Variants in MYZAP observed in about 807,000 individuals in gnomAD.
The protein encoded by MYZAP is myocardial zonula adherens protein.
MYZAP carries 66 observed loss-of-function variants against 69.4 expected under a neutral mutation model. The ratio of observed to expected loss-of-function variants is 0.95; its 90% CI spans 0.78 to 1.17. MYZAP has a LOEUF of 1.17. MYZAP is among the 50% of genes most tolerant of loss of function. MYZAP has a pLI of 0.00. For missense variants in MYZAP, 611 were observed against 556.2 expected (o/e 1.10, Z -0.99); for synonymous variants, 256 against 205.9 (o/e 1.24, Z -2.09).
intron 10 of MYZAP, among the ~76,000 whole-genome samples, chr15:57,643,535 G>T (rs1300574300): frequency 6.6e-6 from 1 of 152,140 alleles, no homozygotes; most frequent in Non-Finnish European, 1.5e-5. Flanking sequence ...GACTTCTTCA[G>T]TCCACAGAGT....
intron 10 of MYZAP, among the ~76,000 whole-genome samples, chr15:57,660,069 G>T (rs1276579703): frequency 6.6e-6 from 1 of 152,078 alleles, no homozygotes; most frequent in Non-Finnish European, 1.5e-5. Flanking sequence ...TTTTTGGAAG[G>T]TTACACAGAC....
chr15:57,612,492 T>G (rs2035170284), intron 2 of MYZAP, among the ~76,000 whole-genome samples: 1 of 152,222 alleles, frequency 6.6e-6, no homozygotes, highest in Admixed American at 6.5e-5. Context: ...TCCATCTTTC[T>G]TTTTCCCTTC....
At chr15:57,682,784 C>A (rs2039509137) in intron 12 of MYZAP, among the ~76,000 whole-genome samples, 1 of 152,200 alleles carries the variant, frequency 6.6e-6, no homozygotes, top group Non-Finnish European at 1.5e-5. Flanking sequence ...TCCACATCCA[C>A]AAACTGTGTG....
intron 2 of MYZAP, among the ~76,000 whole-genome samples, chr15:57,614,366 G>C (rs2140367523): frequency 6.6e-6 from 1 of 152,358 alleles, no homozygotes; most frequent in East Asian, 1.9e-4. Context: ...CCCCACACAA[G>C]GATACTGACA....
chr15:57,616,859 G>GCAAGAAT (rs1354607706), intron 2 of MYZAP, among the ~76,000 whole-genome samples: 1 of 72,888 alleles, frequency 1.4e-5, no homozygotes, highest in Admixed American at 1.9e-4. Context: ...TGAATACATG[G>GCAAGAAT]CAAGAATCTC....
Position 57,648,055 on chromosome 15 carries a change from G to A in MYZAP, c.1119+8510G>A, listed in dbSNP as rs1414234028. On this transcript the variant is annotated intron_variant, in intron 10 of 12. Transcript: ENST00000267853. ...TGCTACTCAAAAGTTTGAGGCAGGA[G>A]TGATTTATTGTGAATGACAATGTTA... 5.1e-6 allele frequency: 5 copies of A among 984,114 alleles called. No homozygotes were observed. The East Asian group carries it at 3.4e-4, about 67-fold the overall frequency. 61.0% of individuals were successfully genotyped at this position (984,114 alleles called of 1,614,324 possible).
At chr15:57,621,793 T>A in intron 4 of MYZAP, 93 bp downstream of exon 4, 1 of 1,073,442 alleles carries the variant, frequency 9.3e-7, no homozygotes, top group Non-Finnish European at 1.3e-6. Flanking sequence ...TTAGAGTATC[T>A]AGTGTTCTTT....
intron 2 of MYZAP, among the ~76,000 whole-genome samples, chr15:57,608,431 C>T (rs1567203049): frequency 6.6e-6 from 1 of 152,166 alleles, no homozygotes; most frequent in African/African-American, 2.4e-5. Context: ...AGAGTCAGCA[C>T]CTTCTTATGG....
chr15:57,661,307 C>A, intron 10 of MYZAP, 143 bp from the exon 11 acceptor site: 1 of 677,166 alleles, frequency 1.5e-6, no homozygotes, highest in Non-Finnish European at 2.5e-6. Context: ...TCAATGAAAA[C>A]CATCCAGCCC....
intron 11 of MYZAP, among the ~76,000 whole-genome samples, chr15:57,673,396 T>A (rs1028860443): frequency 2.0e-5 from 3 of 151,872 alleles, no homozygotes; most frequent in African/African-American, 7.3e-5. Context: ...AGTTCAGACA[T>A]TGCTGGGGAA....
At chr15:57,646,657 C>A (rs1327298039) in intron 10 of MYZAP, 13 of 990,730 alleles carry the variant, frequency 1.3e-5, no homozygotes, top group African/African-American at 7.0e-5. Context: ...CAAGAAAGTA[C>A]AGGAGCAGCC....
At chr15:57,649,906 A>G (rs1215917710) in intron 10 of MYZAP, among the ~76,000 whole-genome samples, 1 of 152,086 alleles carries the variant, frequency 6.6e-6, no homozygotes, top group Non-Finnish European at 1.5e-5. Context: ...TCTGTTTTGC[A>G]TATATATTTT....
intron 2 of MYZAP, among the ~76,000 whole-genome samples, chr15:57,617,099 A>T (rs547862900): frequency 6.6e-6 from 1 of 152,046 alleles, no homozygotes; most frequent in South Asian, 2.1e-4. Context: ...AGCCTGCAGT[A>T]TGGGGAGGTG....
At chr15:57,647,360 C>T in intron 10 of MYZAP, 1 of 985,432 alleles carries the variant, frequency 1.0e-6, no homozygotes, top group Non-Finnish European at 1.2e-6. Context: ...ATTTGAGAAT[C>T]TCATCTGGAT....
chr15:57,595,876 A>G (rs1216065432), intron 1 of MYZAP, among the ~76,000 whole-genome samples: 1 of 152,136 alleles, frequency 6.6e-6, no homozygotes, highest in Non-Finnish European at 1.5e-5. Flanking sequence ...TGGGCCTGCT[A>G]GTCATTGTTC....
At chr15:57,646,066 A>G in intron 10 of MYZAP, 1 of 969,056 alleles carries the variant, frequency 1.0e-6, no homozygotes, top group Non-Finnish European at 1.4e-6. Flanking sequence ...TAATTAGCCA[A>G]ATGGGGGTAG....
Position 57,591,972 on chromosome 15 carries a change from C to G in MYZAP, c.-63C>G. On this transcript the variant is annotated 5_prime_UTR_variant, in exon 1 of 13. Transcript: ENST00000267853. ...CGTCGCCCCCGCGCAGGGCGGGCCCCGCACGCTTATTCTGCCCGGGAGGAA... is the reference window on the plus strand; with the variant it reads ...CGTCGCCCCCGCGCAGGGCGGGCCCGGCACGCTTATTCTGCCCGGGAGGAA... 7.5e-7 allele frequency: 1 copy of G among 1,335,610 alleles called. No homozygotes were observed. Among genetic ancestry groups the G allele is most frequent in the Non-Finnish European group, 9.6e-7 (1 of 1,044,276 alleles). 82.7% of individuals were successfully genotyped at this position (1,335,610 alleles called of 1,614,324 possible). A position where few individuals can be genotyped will look rare whatever the true frequency, so the allele number is the denominator to read the frequency against.
At chr15:57,612,178 C>T (rs1159471567) in intron 2 of MYZAP, among the ~76,000 whole-genome samples, 1 of 152,174 alleles carries the variant, frequency 6.6e-6, no homozygotes, top group African/African-American at 2.4e-5. Flanking sequence ...AGCTGCTGCC[C>T]TCTGGCTGGA....
chr15:57,659,550 C>T (rs2554040), intron 10 of MYZAP, among the ~76,000 whole-genome samples: 84,289 of 151,954 alleles, frequency 0.55, 23,791 homozygotes, highest in East Asian at 0.86. Context: ...ATACATCAAA[C>T]GGTTTCAAAA....
Sources: allele counts gnomAD v4.1 joint callset (sites outside exome capture counted in the v4.1 genomes callset), GRCh38; gene constraint gnomAD v4.1.1; transcripts MANE v1.5; gene names NCBI Gene and HGNC (gene_info 2026-07-23, HGNC 2026-07-21).